Variants in COL24A1 observed in about 807,000 individuals in gnomAD.
The protein encoded by COL24A1 is collagen alpha-1(XXIV) chain.
COL24A1 carries 224 observed loss-of-function variants against 253.9 expected under a neutral mutation model. The ratio of observed to expected loss-of-function variants is 0.88; its 90% CI spans 0.79 to 0.99. COL24A1 has a LOEUF of 0.99. Among genes scored for constraint, COL24A1 ranks in the 50% least tolerant of loss-of-function variants. The pLI, the probability that COL24A1 is intolerant of heterozygous loss-of-function variation, is 0.00. For missense variants in COL24A1, 2,131 were observed against 2,068.5 expected, an observed-to-expected ratio of 1.03 and a Z score of -0.59; for synonymous variants, 685 against 673.7, an observed-to-expected ratio of 1.02 and a Z score of -0.26.
At chr1:86,108,421 T>C (rs981549103) in intron 5 of COL24A1, among the ~76,000 whole-genome samples, 1 of 151,944 alleles carries the variant, frequency 6.6e-6, no homozygotes, top group Admixed American at 6.6e-5. Flanking sequence ...TTAACTCTCC[T>C]CACCCTATTT....
At chr1:85,847,345 T>C (rs1219726485) in intron 39 of COL24A1, among the ~76,000 whole-genome samples, 1 of 152,238 alleles carries the variant, frequency 6.6e-6, no homozygotes, top group African/African-American at 2.4e-5. Context: ...TTTATACAGA[T>C]ACTAAATCCC....
intron 20 of COL24A1, among the ~76,000 whole-genome samples, chr1:85,971,878 C>T (rs761888894): frequency 6.6e-6 from 1 of 151,998 alleles, no homozygotes; most frequent in Non-Finnish European, 1.5e-5. Flanking sequence ...CAACTTATTT[C>T]CCTTTTTGAT....
intron 52 of COL24A1, among the ~76,000 whole-genome samples, chr1:85,776,146 C>A (rs575037715): frequency 6.6e-6 from 1 of 151,994 alleles, no homozygotes; most frequent in African/African-American, 2.4e-5. Flanking sequence ...TATATGTTTC[C>A]GTGCAGTTCA....
intron 19 of COL24A1, among the ~76,000 whole-genome samples, chr1:86,006,080 A>C (rs1440390673): frequency 6.6e-6 from 1 of 152,206 alleles, no homozygotes; most frequent in African/African-American, 2.4e-5. Context: ...AAAAAGAAGT[A>C]AATTCTTCCC....
chr1:85,799,151 G>C (rs1558168447), intron 47 of COL24A1, among the ~76,000 whole-genome samples: 3 of 146,028 alleles, frequency 2.1e-5, no homozygotes, highest in African/African-American at 7.6e-5. Flanking sequence ...ACATGATCTT[G>C]AAAAAACATT....
chr1:85,987,133 G>A (rs562105235), intron 20 of COL24A1, among the ~76,000 whole-genome samples: 4 of 151,822 alleles, frequency 2.6e-5, no homozygotes, highest in South Asian at 2.1e-4. Flanking sequence ...TTTCAATAAC[G>A]GTAATAAGCT....
In COL24A1 at chr1:85,744,752, T is replaced by C. The variant is rs1665025442; in HGVS notation, c.4586A>G (p.His1529Arg). 1 of 1,609,964 alleles carries C rather than the reference T, an allele frequency of 6.2e-7. No individual in the cohort carries two copies. The highest frequency in any genetic ancestry group is 8.5e-7 in the Non-Finnish European group (1 of 1,178,798). Residue 1529 changes from histidine to arginine, a missense_variant, in exon 57 of 60, where the codon CAC (histidine) becomes CGC (arginine). By Grantham distance (29) the His-to-Arg change is conservative. Coordinates refer to ENST00000370571, the MANE Select transcript of COL24A1 (RefSeq NM_152890.7). ...TGTGCCAAGAGGATTCTTGATGCTG[T>C]GCAATAAATTGCTAAGGTAGTTCAG... ...KTLNYLSNLLHSIKNPLGTRD... is the reference protein window; with the variant it reads ...KTLNYLSNLLRSIKNPLGTRD...
intron 13 of COL24A1, 104 bp from the exon 14 acceptor site, chr1:86,032,026 T>C: frequency 2.3e-6 from 2 of 856,800 alleles, no homozygotes; most frequent in South Asian, 1.8e-5. Flanking sequence ...TACATCAAAA[T>C]GTACCTTCTA....
At chr1:86,153,048 C>G (rs1013417949) in intron 1 of COL24A1, among the ~76,000 whole-genome samples, 1 of 152,150 alleles carries the variant, frequency 6.6e-6, no homozygotes, top group Admixed American at 6.5e-5. Flanking sequence ...GTACTCCAAC[C>G]AACTTCATTT....
At chr1:85,988,000 C>A (rs1036870720) in intron 19 of COL24A1, among the ~76,000 whole-genome samples, 15 of 151,390 alleles carry the variant, frequency 9.9e-5, no homozygotes, top group African/African-American at 7.3e-5. Context: ...ATAGGGCTAC[C>A]AAAGATTAGG....
At chr1:86,076,416 C>A (rs577444817) in intron 7 of COL24A1, among the ~76,000 whole-genome samples, 2 of 152,260 alleles carry the variant, frequency 1.3e-5, no homozygotes, top group African/African-American at 4.8e-5. Flanking sequence ...GAAAAACATT[C>A]CATGCTCATG....
chr1:85,852,361 G>A (rs1282741445), intron 37 of COL24A1, among the ~76,000 whole-genome samples: 1 of 152,118 alleles, frequency 6.6e-6, no homozygotes, highest in African/African-American at 2.4e-5. Flanking sequence ...TCAATAATAA[G>A]TTATATCAGA....
chr1:85,918,588 A>G (rs151094006), intron 24 of COL24A1, among the ~76,000 whole-genome samples: 249 of 152,302 alleles, frequency 1.6e-3, no homozygotes, highest in African/African-American at 5.3e-3. Context: ...CAGGCTTTAA[A>G]TCTATTCAGT....
intron 57 of COL24A1, among the ~76,000 whole-genome samples, chr1:85,743,316 C>T (rs1269298312): frequency 1.3e-5 from 2 of 152,160 alleles, no homozygotes; most frequent in African/African-American, 4.8e-5. Flanking sequence ...TACTCAAAGA[C>T]TCAGGGCTTT....
chr1:86,147,101 A>G (rs1299255597), intron 1 of COL24A1, among the ~76,000 whole-genome samples: 2 of 152,180 alleles, frequency 1.3e-5, no homozygotes, highest in Admixed American at 6.5e-5. Flanking sequence ...CAGTTCCGCA[A>G]GGAGTGATTA....
intron 24 of COL24A1, among the ~76,000 whole-genome samples, chr1:85,933,087 TAAAAA>T (rs747954578): frequency 1.6e-5 from 2 of 123,630 alleles, no homozygotes; most frequent in African/African-American, 3.2e-5. Flanking sequence ...TAGAGTATAA[TAAAAA>T]AAAAAAAAAG....
intron 26 of COL24A1, 128 bp from the exon 27 acceptor site, chr1:85,908,779 C>T (rs1046822563): frequency 1.3e-4 from 56 of 434,030 alleles, no homozygotes; most frequent in Non-Finnish European, 2.3e-4. Context: ...TCTTTTGTAA[C>T]CAAGATATGA....
intron 13 of COL24A1, among the ~76,000 whole-genome samples, chr1:86,032,950 C>T (rs539859190): frequency 1.3e-5 from 2 of 152,152 alleles, no homozygotes; most frequent in Non-Finnish European, 2.9e-5. Context: ...ATAATGTCTA[C>T]TTTATTATGC....
intron 43 of COL24A1, among the ~76,000 whole-genome samples, chr1:85,824,939 A>ATTAT (rs1674074018): frequency 7.3e-6 from 1 of 136,592 alleles, no homozygotes; most frequent in Non-Finnish European, 1.6e-5. Context: ...TATTATTATT[A>ATTAT]TACTTGAAGT....
Sources: gnomAD v4.1 joint callset for allele counts (sites outside exome capture counted in the v4.1 genomes callset) on GRCh38, gnomAD v4.1.1 for gene constraint, MANE v1.5 for transcripts, NCBI Gene and HGNC (gene_info 2026-07-23, HGNC 2026-07-21) for gene names.